Variants in RAP1GAP observed in about 807,000 individuals in gnomAD.
The protein encoded by RAP1GAP is rap1 GTPase-activating protein 1.
In RAP1GAP, 35 loss-of-function variants were observed where a neutral mutation model predicts 87.2. The observed-to-expected ratio is 0.40, with a 90% confidence interval of 0.31 to 0.53. The LOEUF (loss-of-function observed/expected upper bound fraction) is 0.53, where lower values mean the gene tolerates loss of function less well. Among genes scored for constraint, RAP1GAP ranks in the 20% least tolerant of loss-of-function variants. The pLI is 0.48. For synonymous variants in RAP1GAP, 375 were observed against 363.9 expected (o/e 1.03, Z -0.35); for missense variants, 734 against 898.9 (o/e 0.82, Z 2.35).
At position 21,609,952 on chromosome 1, in the gene RAP1GAP, G is replaced by T. The variant is rs985387858; in HGVS notation, c.999+168C>A. 6.6e-6 allele frequency among the ~76,000 whole-genome samples: 1 copy of T among 152,158 alleles called. No individual in the cohort carries two copies. The highest frequency in any genetic ancestry group is 2.4e-5 in the African/African-American group (1 of 41,432). Reference sequence around the variant, plus strand: ...GGGAAACTGTCCTCTCTGAGGGGGTGAGCTTTGGGGACGACAGGGGGCGTG... The same window carrying T: ...GGGAAACTGTCCTCTCTGAGGGGGTTAGCTTTGGGGACGACAGGGGGCGTG... On this transcript the variant is annotated intron_variant, in intron 14 of 24. Coordinates refer to ENST00000374765, the MANE Select transcript of RAP1GAP (RefSeq NM_002885.4). The surrounding 1 kb of genome is among the most constrained non-coding windows in gnomAD (Gnocchi z 4.4).
At chr1:21,630,974 C>T (rs12096656) in intron 2 of RAP1GAP, among the ~76,000 whole-genome samples, 6,337 of 152,162 alleles carry the variant, frequency 0.042, 154 homozygotes, top group South Asian at 0.052. Flanking sequence ...CCCATCTCTG[C>T]CCCACCTTTC....
chr1:21,601,609 C>T (rs768772506), intron 20 of RAP1GAP, 75 bp downstream of exon 20: 89 of 1,190,386 alleles, frequency 7.5e-5, no homozygotes, highest in Non-Finnish European at 1.0e-4. Flanking sequence ...TGTGCTGTCC[C>T]GGGCCCAGGC....
intron 20 of RAP1GAP, among the ~76,000 whole-genome samples, chr1:21,601,413 C>T (rs2068338800): frequency 6.6e-6 from 1 of 152,264 alleles, no homozygotes; most frequent in African/African-American, 2.4e-5. Flanking sequence ...CGGCAACAGC[C>T]TATGAGGCCG....
intron 2 of RAP1GAP, among the ~76,000 whole-genome samples, chr1:21,647,785 A>T (rs746767395): frequency 2.0e-5 from 3 of 152,056 alleles, no homozygotes; most frequent in Non-Finnish European, 2.9e-5. Flanking sequence ...TAAAGAGGGA[A>T]TGGGGGTGTG....
At position 21,648,118 on chromosome 1, in the gene RAP1GAP, C is replaced by T. The variant is rs115519485; in HGVS notation, c.-113+1643G>A. Reference sequence around the variant, plus strand: ...ACCTTGGACAGCGGCTCCAGCTAGGCGAGCACGGGCAAGGCATTTTGGGTA... The same window carrying T: ...ACCTTGGACAGCGGCTCCAGCTAGGTGAGCACGGGCAAGGCATTTTGGGTA... On this transcript the variant is annotated intron_variant, in intron 2 of 24. Coordinates refer to ENST00000374765, the MANE Select transcript of RAP1GAP (RefSeq NM_002885.4). Among the ~76,000 whole-genome samples the T allele has an allele frequency of 2.2e-3, 341 of 152,284 alleles. 2 individuals are homozygous for T. The highest frequency in any genetic ancestry group is 8.0e-3 in the African/African-American group (331 of 41,550).
intron 1 of RAP1GAP, among the ~76,000 whole-genome samples, chr1:21,660,353 TG>T (rs2097107195): frequency 1.5e-4 from 4 of 26,818 alleles, no homozygotes; most frequent in African/African-American, 3.3e-4. Flanking sequence ...ATATATTTAT[TG>T]AGACAGTCTC....
In RAP1GAP at chr1:21,609,751, G is replaced by A. The variant is rs2077064635; in HGVS notation, c.1000-105C>T. ...CTCCCTGGACTGCCCCTTGGTCGGG[G>A]AGACCCAGTGACTGTGGGCTGGATG... On this transcript the variant is annotated intron_variant, in intron 14 of 24. Transcript: ENST00000374765. This position sits in a 1 kb window ranked among gnomAD's most constrained non-coding sequence, Gnocchi z 4.4. 2.5e-6 allele frequency: 2 copies of A among 808,430 alleles called. No homozygotes were observed. Among genetic ancestry groups the A allele is most frequent in the Non-Finnish European group, 3.8e-6 (2 of 527,476 alleles). The allele number at this position is 808,430 out of a possible 1,614,324, so 50.1% of individuals were successfully genotyped here.
intron 21 of RAP1GAP, 94 bp downstream of exon 21, chr1:21,599,400 G>A (rs991128022): frequency 9.3e-6 from 14 of 1,503,732 alleles, no homozygotes; most frequent in South Asian, 1.3e-5. Context: ...TCTCAGCCAC[G>A]CCCAGGCTCG....
intron 1 of RAP1GAP, among the ~76,000 whole-genome samples, chr1:21,652,475 G>C (rs933143900): frequency 6.6e-6 from 1 of 152,130 alleles, no homozygotes; most frequent in Non-Finnish European, 1.5e-5. Flanking sequence ...ATGAGTGAAT[G>C]AACAGAGCCT....
At chr1:21,620,181 G>A (rs2085935958) in intron 3 of RAP1GAP, 131 bp from the exon 4 acceptor site, 1 of 879,144 alleles carries the variant, frequency 1.1e-6, no homozygotes, top group Non-Finnish European at 1.8e-6. Context: ...GTAGCAAGCG[G>A]GAGTGACGGG....
chr1:21,604,866 T>A (rs1448897034), intron 18 of RAP1GAP, among the ~76,000 whole-genome samples: 1 of 140,442 alleles, frequency 7.1e-6, no homozygotes, highest in Non-Finnish European at 1.5e-5. Flanking sequence ...GATGGATGGA[T>A]GGATGGATGG....
intron 3 of RAP1GAP, 57 bp from the exon 4 acceptor site, chr1:21,620,107 T>G: frequency 6.3e-7 from 1 of 1,599,168 alleles, no homozygotes; most frequent in Non-Finnish European, 8.6e-7. Flanking sequence ...CCCAGAGGAG[T>G]CTCCACCCGC....
chr1:21,617,167 G>T, intron 7 of RAP1GAP, 139 bp downstream of exon 7: 1 of 934,478 alleles, frequency 1.1e-6, no homozygotes, highest in Non-Finnish European at 1.6e-6. Context: ...AGTGTGTGTG[G>T]TGGGAGCACA....
chr1:21,605,396 A>T (rs909455027), intron 18 of RAP1GAP, among the ~76,000 whole-genome samples: 5 of 152,174 alleles, frequency 3.3e-5, no homozygotes, highest in Admixed American at 1.3e-4. Flanking sequence ...GACACACAGT[A>T]GGTGTTCACT....
intron 2 of RAP1GAP, among the ~76,000 whole-genome samples, chr1:21,648,902 T>A (rs1036291919): frequency 6.6e-6 from 1 of 152,150 alleles, no homozygotes; most frequent in African/African-American, 2.4e-5. Context: ...CCAGGAGGGC[T>A]CTGCGGGGAC....
At chr1:21,652,156 G>A (rs548034212) in intron 1 of RAP1GAP, among the ~76,000 whole-genome samples, 1,622 of 150,462 alleles carry the variant, frequency 0.011, 27 homozygotes, top group African/African-American at 0.037. Flanking sequence ...CTCTGTTGGA[G>A]GGACGCCCTC....
intron 22 of RAP1GAP, 91 bp downstream of exon 22, chr1:21,598,309 C>G: frequency 8.2e-7 from 1 of 1,215,944 alleles, no homozygotes; most frequent in Non-Finnish European, 1.2e-6. Context: ...ATCACATCCA[C>G]TGCATGGGGC....
At position 21,622,364 on chromosome 1, in the gene RAP1GAP, G is replaced by C; in HGVS notation, c.-18-2314C>G. On this transcript the variant is annotated intron_variant, in intron 3 of 24. Transcript: ENST00000374765. The surrounding 1 kb of genome is among the most constrained non-coding windows in gnomAD (Gnocchi z 5.7). ...CTGCCAGCTGGCCCCCGCGGGCAGC[G>C]AGCCCCTCCGCGGACGGCCGGGTGG... 2.2e-6 allele frequency: 1 copy of C among 458,408 alleles called. No individual in the cohort carries two copies. The highest frequency in any genetic ancestry group is 3.8e-6 in the Non-Finnish European group (1 of 260,410). The allele number at this position is 458,408 out of a possible 1,614,324, so 28.4% of individuals were successfully genotyped here.
intron 2 of RAP1GAP, among the ~76,000 whole-genome samples, chr1:21,636,080 T>C (rs564945949): frequency 6.6e-6 from 1 of 152,338 alleles, no homozygotes; most frequent in Admixed American, 6.5e-5. Flanking sequence ...CTTTGCAGGG[T>C]TGTTGTGTGG....
Sources: gnomAD v4.1 joint callset for allele counts (sites outside exome capture counted in the v4.1 genomes callset) on GRCh38, gnomAD v4.1.1 for gene constraint, Gnocchi (gnomAD v3.1) non-coding constraint, MANE v1.5 for transcripts, NCBI Gene and HGNC (gene_info 2026-07-23, HGNC 2026-07-21) for gene names.